Variants in TTC27 observed in about 807,000 individuals in gnomAD.
TTC27 encodes tetratricopeptide repeat domain 27.
TTC27 carries 79 observed loss-of-function variants against 115.9 expected under a neutral mutation model. That is an observed-to-expected ratio of 0.68 (90% CI 0.57 to 0.82). The LOEUF is 0.82. Ranked by LOEUF, TTC27 falls within the 40% of genes least tolerant of loss-of-function variation. TTC27 has a pLI of 0.00. For synonymous variants in TTC27, 401 were observed against 356.0 expected (o/e 1.13, Z -1.42); for missense variants, 1,054 against 993.1 (o/e 1.06, Z -0.82).
chr2:32,741,937 A>G (rs1171355725), intron 12 of TTC27, among the ~76,000 whole-genome samples: 3 of 152,208 alleles, frequency 2.0e-5, no homozygotes, highest in Non-Finnish European at 4.4e-5. Context: ...CTTTAGGAGT[A>G]GAAATAGGAA....
At chr2:32,670,770 A>C (rs923386154) in intron 7 of TTC27, among the ~76,000 whole-genome samples, 3 of 152,038 alleles carry the variant, frequency 2.0e-5, no homozygotes, top group African/African-American at 7.3e-5. Flanking sequence ...GGTATACGCC[A>C]CCATGCCTGG....
chr2:32,713,082 T>A (rs1667638165), intron 10 of TTC27, among the ~76,000 whole-genome samples: 1 of 152,128 alleles, frequency 6.6e-6, no homozygotes, highest in African/African-American at 2.4e-5. Context: ...TCTCTCTTGC[T>A]CTCACTCTCC....
intron 16 of TTC27, among the ~76,000 whole-genome samples, chr2:32,802,725 A>G (rs564395160): frequency 6.6e-6 from 1 of 152,236 alleles, no homozygotes; most frequent in Non-Finnish European, 1.5e-5. Flanking sequence ...TTGCAGACTC[A>G]TCCTCATCTT....
At chr2:32,724,720 A>T (rs192803296) in intron 10 of TTC27, among the ~76,000 whole-genome samples, 8 of 152,366 alleles carry the variant, frequency 5.3e-5, no homozygotes, top group African/African-American at 1.7e-4. Flanking sequence ...TGAACTGATT[A>T]TTCAGACTTG....
intron 10 of TTC27, among the ~76,000 whole-genome samples, chr2:32,720,659 A>T (rs1016300665): frequency 1.6e-4 from 24 of 152,336 alleles, no homozygotes; most frequent in Non-Finnish European, 3.1e-4. Flanking sequence ...GTTTCCTAAA[A>T]AATAGTGAAT....
intron 16 of TTC27, among the ~76,000 whole-genome samples, chr2:32,799,961 C>T (rs991812777): frequency 2.0e-5 from 3 of 152,150 alleles, no homozygotes; most frequent in African/African-American, 7.2e-5. Flanking sequence ...AGAGCACGTA[C>T]TCTGGAGTTA....
At chr2:32,704,985 A>T in intron 10 of TTC27, 1 of 464,028 alleles carries the variant, frequency 2.2e-6, no homozygotes, top group East Asian at 7.0e-5. Context: ...ATTAATAAAC[A>T]TTTTCAGGAA....
intron 16 of TTC27, among the ~76,000 whole-genome samples, chr2:32,796,908 C>T (rs968509105): frequency 6.6e-6 from 1 of 151,640 alleles, no homozygotes; most frequent in Non-Finnish European, 1.5e-5. Context: ...CACGGTGGCT[C>T]ATGCCTGTAA....
At chr2:32,734,658 G>A (rs1367901981) in intron 11 of TTC27, among the ~76,000 whole-genome samples, 1 of 152,106 alleles carries the variant, frequency 6.6e-6, no homozygotes, top group African/African-American at 2.4e-5. Context: ...AATAACTTAA[G>A]ACACCTGACC....
At chr2:32,742,107 G>A (rs1194292407) in intron 12 of TTC27, among the ~76,000 whole-genome samples, 1 of 152,126 alleles carries the variant, frequency 6.6e-6, no homozygotes, top group East Asian at 1.9e-4. Flanking sequence ...ACAAAATATG[G>A]ATTGTTTTCA....
rs187056332 is a variant in TTC27 at position 32,781,337 on chromosome 2, G to A, written c.1780-1289G>A. Among the ~76,000 whole-genome samples the A allele has an allele frequency of 7.2e-4, 110 of 151,926 alleles. 1 individual carries two copies. The highest frequency in any genetic ancestry group is 9.0e-4 in the Non-Finnish European group (61 of 67,964). On this transcript the variant is annotated intron_variant, in intron 14 of 19. Coordinates refer to ENST00000317907, the MANE Select transcript of TTC27 (RefSeq NM_017735.5). ...TTTGAAATCCTGTGCTTATTTCAAC[G>A]TCTCTTTCATTTCTGGTACTGTTTC...
Position 32,820,845 on chromosome 2 carries a change from A to G in TTC27, c.2439A>G (p.Glu813=). The change falls in exon 20 of 20, where the codon GAA becomes GAG. Residue 813 remains glutamate (E), a synonymous_variant. Coordinates refer to ENST00000317907, the MANE Select transcript of TTC27 (RefSeq NM_017735.5). ...KQLFTDVATG[E]MSRELADDIT... ...TTTTTACAGATGTGGCAACTGGAGA[A>G]ATGTCCAGGGAATTAGCTGATGACA... The G allele has an allele frequency of 6.5e-7, 1 of 1,540,196 alleles. No individual in the cohort carries two copies. Among genetic ancestry groups the G allele is most frequent in the Non-Finnish European group, 8.8e-7 (1 of 1,139,568 alleles).
chr2:32,664,353 A>G lies in TTC27; in HGVS notation c.691A>G (p.Ile231Val). 6.2e-7 allele frequency: 1 copy of G among 1,611,676 alleles called. No individual in the cohort carries two copies. The highest frequency in any genetic ancestry group is 2.2e-5 in the East Asian group (1 of 44,710). ...FVDDSGRYLAIQFHLECAYVF... is the reference protein window; with the variant it reads ...FVDDSGRYLAVQFHLECAYVF... ...AGATGATTCAGGTCGATATTTGGCTATTCAATTCCATCTGGAATGTGCATA... is the reference window on the plus strand; with the variant it reads ...AGATGATTCAGGTCGATATTTGGCTGTTCAATTCCATCTGGAATGTGCATA... The change falls in exon 6 of 20, where the codon ATT (isoleucine) becomes GTT (valine). Residue 231 changes from isoleucine to valine, a missense_variant. Physicochemically the swap from Ile to Val is conservative, Grantham distance 29 (BLOSUM62 3). Transcript: ENST00000317907.
intron 3 of TTC27, among the ~76,000 whole-genome samples, chr2:32,636,526 C>T (rs1664435551): frequency 6.6e-6 from 1 of 152,088 alleles, no homozygotes; most frequent in Non-Finnish European, 1.5e-5. Flanking sequence ...ATTCACATTT[C>T]TTGTGCCAAT....
intron 10 of TTC27, among the ~76,000 whole-genome samples, chr2:32,728,455 C>T (rs991100794): frequency 6.6e-6 from 1 of 152,120 alleles, no homozygotes; most frequent in Non-Finnish European, 1.5e-5. Flanking sequence ...TAAAGTCTGT[C>T]GTTTCTGGGG....
chr2:32,817,719 T>C (rs1033018035), intron 19 of TTC27, among the ~76,000 whole-genome samples, 162 bp downstream of exon 19: 2 of 152,240 alleles, frequency 1.3e-5, no homozygotes, highest in Admixed American at 6.5e-5. Flanking sequence ...GAGGATACTA[T>C]TGGCCTAATG....
chr2:32,774,896 C>G (rs13020184), intron 13 of TTC27, among the ~76,000 whole-genome samples: 46,653 of 151,922 alleles, frequency 0.31, 7,346 homozygotes, highest in South Asian at 0.49. Context: ...ATTTTTCCTT[C>G]CAATGCAAAG....
intron 8 of TTC27, 69 bp downstream of exon 8, chr2:32,672,453 TTA>T: frequency 8.2e-7 from 1 of 1,215,914 alleles, no homozygotes. Context: ...TGGAGAATCT[TTA>T]TTCAAGGAGG....
At position 32,778,067 on chromosome 2, in the gene TTC27, C is replaced by CT. The variant is rs763311961; in HGVS notation, c.1779+91dup. On this transcript the variant is annotated intron_variant, in intron 14 of 19. Transcript: ENST00000317907. ...ACTGTATGGTTCAGAACAGCAATTC[C>CT]TTTTGTGTTGGAGGAAAGTGTACAT... 8.4e-4 allele frequency: 1,065 copies of CT among 1,271,916 alleles called. 3 individuals are homozygous for CT. The highest frequency in any genetic ancestry group is 8.8e-4 in the Non-Finnish European group (794 of 901,860). 78.8% of individuals were successfully genotyped at this position (1,271,916 alleles called of 1,614,324 possible).
Sources: gnomAD v4.1 joint callset for allele counts (sites outside exome capture counted in the v4.1 genomes callset) on GRCh38, gnomAD v4.1.1 for gene constraint, MANE v1.5 for transcripts, NCBI Gene and HGNC (gene_info 2026-07-23, HGNC 2026-07-21) for gene names.